USP4: variants seen among roughly 807,000 people sequenced by gnomAD.
The protein encoded by USP4 is ubiquitin carboxyl-terminal hydrolase 4.
USP4 carries 72 observed loss-of-function variants against 118.2 expected under a neutral mutation model. The observed-to-expected ratio is 0.61, with a 90% CI of 0.50 to 0.74. The LOEUF is 0.74. USP4 is among the 30% of genes least tolerant of loss of function. The pLI, the probability that USP4 is intolerant of heterozygous loss-of-function variation, is 0.00. For missense variants in USP4, 1,037 were observed against 1,185.7 expected, an observed-to-expected ratio of 0.87 and a Z score of 1.84; for synonymous variants, 415 against 440.4, an observed-to-expected ratio of 0.94 and a Z score of 0.72.
At chr3:49,283,130 C>G (rs1027920592) in intron 19 of USP4, among the ~76,000 whole-genome samples, 1 of 150,026 alleles carries the variant, frequency 6.7e-6, no homozygotes, top group African/African-American at 2.5e-5. Flanking sequence ...ATTTTCCTGC[C>G]TCAGCCTCCT....
At chr3:49,289,540 C>A (rs561952770) in intron 15 of USP4, among the ~76,000 whole-genome samples, 1 of 152,238 alleles carries the variant, frequency 6.6e-6, no homozygotes, top group East Asian at 1.9e-4. Context: ...TTATCCCTAG[C>A]GGGAAATGAA....
At chr3:49,330,944 G>A (rs1308370400) in intron 2 of USP4, among the ~76,000 whole-genome samples, 1 of 151,218 alleles carries the variant, frequency 6.6e-6, no homozygotes, top group African/African-American at 2.4e-5. Context: ...TGTGAACCCG[G>A]GAGGCGGAGC....
intron 1 of USP4, among the ~76,000 whole-genome samples, chr3:49,337,109 C>A (rs750864263): frequency 1.2e-4 from 19 of 152,034 alleles, no homozygotes; most frequent in Admixed American, 4.6e-4. Flanking sequence ...CAAACCCCAT[C>A]TCTACTAAAA....
At chr3:49,320,148 T>C (rs1432692672) in intron 6 of USP4, among the ~76,000 whole-genome samples, 1 of 152,168 alleles carries the variant, frequency 6.6e-6, no homozygotes, top group Non-Finnish European at 1.5e-5. Flanking sequence ...CTCAAACTCC[T>C]ATCCTCAAGC....
At chr3:49,334,954 G>T (rs778476216) in intron 2 of USP4, among the ~76,000 whole-genome samples, 4 of 152,140 alleles carry the variant, frequency 2.6e-5, no homozygotes, top group African/African-American at 4.8e-5. Flanking sequence ...GCTCTAGTGT[G>T]TTACATGTCG....
intron 8 of USP4, among the ~76,000 whole-genome samples, chr3:49,306,853 C>T (rs2047324233): frequency 6.6e-6 from 1 of 151,934 alleles, no homozygotes. Context: ...GGCGCAATCT[C>T]AGCTCACCGC....
chr3:49,291,834 G>A (rs540619617), intron 15 of USP4, among the ~76,000 whole-genome samples: 1 of 149,532 alleles, frequency 6.7e-6, no homozygotes, highest in African/African-American at 2.4e-5. Context: ...CTTTTTTTGA[G>A]ACAGAGTTTC....
chr3:49,292,135 A>G (rs910781671), intron 15 of USP4, among the ~76,000 whole-genome samples: 45 of 152,124 alleles, frequency 3.0e-4, no homozygotes, highest in African/African-American at 1.1e-3. Context: ...AAAATTTAAA[A>G]ATTAGCTGGG....
Position 49,311,631 on chromosome 3 carries a change from T to C in USP4, c.719A>G (p.Asn240Ser), listed in dbSNP as rs1009045789. 3 of 1,613,768 alleles carry C rather than the reference T, an allele frequency of 1.9e-6. No homozygotes were observed. In the African/African-American group the frequency reaches 4.0e-5, roughly 22 times the overall value. The change falls in exon 7 of 22, where the codon AAT (asparagine) becomes AGT (serine). Residue 240 changes from asparagine to serine, a missense_variant. By Grantham distance (46) the Asn-to-Ser change is conservative. Coordinates refer to ENST00000265560, the MANE Select transcript of USP4 (RefSeq NM_003363.4). ...TGATGATTTTGGAGAGGTAGTAAAA[T>C]TTCTGCTAGGCGCAGTGCTTGATCT... ...QSKSSTAPSR[N>S]FTTSPKSSAS...
intron 7 of USP4, among the ~76,000 whole-genome samples, chr3:49,311,025 T>C (rs1306446299): frequency 6.6e-6 from 1 of 152,174 alleles, no homozygotes; most frequent in African/African-American, 2.4e-5. Flanking sequence ...CCATTTTAGT[T>C]ATTAAGAGCT....
At chr3:49,331,820 GAGTC>G (rs771304055) in intron 2 of USP4, among the ~76,000 whole-genome samples, 9 of 151,870 alleles carry the variant, frequency 5.9e-5, no homozygotes, top group Non-Finnish European at 1.0e-4. Flanking sequence ...CTTAAGAAGA[GAGTC>G]AGCCTGTCCT....
chr3:49,335,686 C>G (rs2107806745), intron 1 of USP4, 90 bp from the exon 2 acceptor site: 1 of 1,501,296 alleles, frequency 6.7e-7, no homozygotes, highest in Non-Finnish European at 9.2e-7. Context: ...GGTCCTTCCA[C>G]TTGGGGCATA....
chr3:49,323,879 A>C (rs1456945016), intron 6 of USP4, among the ~76,000 whole-genome samples: 1 of 152,188 alleles, frequency 6.6e-6, no homozygotes, highest in African/African-American at 2.4e-5. Flanking sequence ...ACATCTCTTG[A>C]AACAGATGTG....
chr3:49,333,620 G>C (rs1420182419), intron 2 of USP4, among the ~76,000 whole-genome samples: 2 of 152,190 alleles, frequency 1.3e-5, no homozygotes, highest in African/African-American at 4.8e-5. Flanking sequence ...CCTGAGGAGA[G>C]AGAGAGAGAT....
At chr3:49,327,630 C>T in intron 3 of USP4, 56 bp downstream of exon 3, 1 of 1,601,876 alleles carries the variant, frequency 6.2e-7, no homozygotes, top group Non-Finnish European at 8.5e-7. Context: ...AGTCAGTGTC[C>T]AACAGAAAGC....
intron 8 of USP4, among the ~76,000 whole-genome samples, chr3:49,308,313 T>A (rs1384179150): frequency 2.0e-5 from 3 of 152,064 alleles, no homozygotes; most frequent in Non-Finnish European, 4.4e-5. Context: ...GTCAATCATA[T>A]TTATACTTTA....
Position 49,339,960 on chromosome 3 carries a change from G to T in USP4, c.65C>A (p.Pro22His). ...GCGTTGGAGTGTGGTCCTCATTAAG[G>T]GTCCAAGCTCGGACTTCTGAGTCTC... ...DAETQKSELG[P>H]LMRTTLQRGA... Residue 22 changes from proline (P) to histidine (H), a missense_variant, in exon 1 of 22, where the codon CCC (proline) becomes CAC (histidine). Pro to His is a moderately conservative substitution (Grantham distance 77, BLOSUM62 -2). This residue lies in a region of USP4 where 487 missense variants were observed against 534.1 expected (regional missense o/e 0.91). Coordinates refer to ENST00000265560, the MANE Select transcript of USP4 (RefSeq NM_003363.4). The T allele has an allele frequency of 6.2e-7, 1 of 1,613,098 alleles. No homozygotes were observed. Among genetic ancestry groups the T allele is most frequent in the Non-Finnish European group, 8.5e-7 (1 of 1,179,906 alleles).
intron 4 of USP4, among the ~76,000 whole-genome samples, chr3:49,325,340 C>T (rs987376325): frequency 6.6e-6 from 1 of 151,950 alleles, no homozygotes; most frequent in Non-Finnish European, 1.5e-5. Flanking sequence ...GCTAGCTCCA[C>T]CATTTTCTGG....
intron 19 of USP4, among the ~76,000 whole-genome samples, chr3:49,283,394 T>C (rs145040654): frequency 0.017 from 2,541 of 151,784 alleles, 84 homozygotes; most frequent in African/African-American, 0.059. Context: ...ACTCCTAGGC[T>C]CAAGTGATCC....
Sources: allele counts gnomAD v4.1 joint callset (sites outside exome capture counted in the v4.1 genomes callset), GRCh38; gene constraint gnomAD v4.1.1; regional missense constraint gnomAD v4.1.1; transcripts MANE v1.5; gene names NCBI Gene and HGNC (gene_info 2026-07-23, HGNC 2026-07-21).